MYOZ2: variants seen among roughly 807,000 people sequenced by gnomAD.
MYOZ2 encodes the protein myozenin-2.
A neutral mutation model predicts 25.4 loss-of-function variants in MYOZ2; 19 were observed. The observed-to-expected ratio is 0.75, with a 90% confidence interval of 0.52 to 1.10. The LOEUF is 1.10. Among genes scored for constraint, MYOZ2 ranks in the 50% least tolerant of loss-of-function variants. The pLI, the probability that MYOZ2 is intolerant of heterozygous loss-of-function variation, is 0.00. For missense variants in MYOZ2, 270 were observed against 317.9 expected (o/e 0.85, Z 1.15); for synonymous variants, 92 against 106.9 (o/e 0.86, Z 0.86).
At chr4:119,152,873 G>A (rs2149222002) in intron 3 of MYOZ2, among the ~76,000 whole-genome samples, 1 of 152,138 alleles carries the variant, frequency 6.6e-6, no homozygotes, top group East Asian at 1.9e-4. Context: ...AAGGAAGTAT[G>A]TTCATTTGAC....
At chr4:119,182,785 G>A (rs1742210389) in intron 5 of MYOZ2, among the ~76,000 whole-genome samples, 1 of 152,130 alleles carries the variant, frequency 6.6e-6, no homozygotes, top group South Asian at 2.1e-4. Flanking sequence ...GTTCCTAACA[G>A]GCCATAGATG....
At chr4:119,183,280 G>C (rs1742225066) in intron 5 of MYOZ2, among the ~76,000 whole-genome samples, 1 of 152,084 alleles carries the variant, frequency 6.6e-6, no homozygotes, top group African/African-American at 2.4e-5. Flanking sequence ...GAAAATAGAA[G>C]TCATGGAAAC....
chr4:119,147,125 G>A (rs1218740694), intron 2 of MYOZ2, among the ~76,000 whole-genome samples: 4 of 152,090 alleles, frequency 2.6e-5, no homozygotes, highest in Non-Finnish European at 4.4e-5. Flanking sequence ...AGGCAGCATC[G>A]TCCAACAAAC....
In MYOZ2 at chr4:119,158,854, T is replaced by C. The variant is rs78757526; in HGVS notation, c.376+703T>C. Reference sequence around the variant, plus strand: ...TTAAGACGTTGAGGTTATGAATGTCTATGAAGCAACAAAGAATGAATAAGA... The same window carrying C: ...TTAAGACGTTGAGGTTATGAATGTCCATGAAGCAACAAAGAATGAATAAGA... On this transcript the variant is annotated intron_variant, in intron 4 of 5. Coordinates refer to ENST00000307128, the MANE Select transcript of MYOZ2 (RefSeq NM_016599.5). Among the ~76,000 whole-genome samples the C allele has an allele frequency of 6.8e-3, 1,030 of 152,296 alleles. 71 individuals carry two copies. The East Asian group carries it at 0.15, about 22-fold the overall frequency.
chr4:119,164,812 A>T (rs959938314), intron 5 of MYOZ2, among the ~76,000 whole-genome samples: 4 of 152,092 alleles, frequency 2.6e-5, no homozygotes, highest in Admixed American at 6.5e-5. Context: ...TCTATCTTAC[A>T]TTTTTGCAGG....
At chr4:119,180,989 G>A (rs749591845) in intron 5 of MYOZ2, among the ~76,000 whole-genome samples, 5 of 152,154 alleles carry the variant, frequency 3.3e-5, no homozygotes, top group Non-Finnish European at 7.3e-5. Context: ...ACCAATATAA[G>A]TCCATGCATA....
At chr4:119,157,023 G>T (rs913348286) in intron 3 of MYOZ2, among the ~76,000 whole-genome samples, 2 of 152,020 alleles carry the variant, frequency 1.3e-5, no homozygotes, top group Non-Finnish European at 2.9e-5. Context: ...TCCTGAAATT[G>T]CTATAAAGTT....
chr4:119,166,544 A>G (rs985799794), intron 5 of MYOZ2, among the ~76,000 whole-genome samples: 1 of 152,164 alleles, frequency 6.6e-6, no homozygotes, highest in Non-Finnish European at 1.5e-5. Context: ...AGGGATACAC[A>G]AAGTTTAAGA....
At chr4:119,165,298 C>A (rs1741799265) in intron 5 of MYOZ2, among the ~76,000 whole-genome samples, 2 of 151,184 alleles carry the variant, frequency 1.3e-5, no homozygotes, top group African/African-American at 2.4e-5. Flanking sequence ...TCACTTGAAC[C>A]CAGGAGTTCA....
chr4:119,149,557 T>C (rs559217409), intron 2 of MYOZ2, among the ~76,000 whole-genome samples: 19 of 152,350 alleles, frequency 1.2e-4, no homozygotes, highest in Non-Finnish European at 2.2e-4. Flanking sequence ...GTTGCCATCA[T>C]CTTCAGCTTC....
chr4:119,145,338 GT>G (rs60344545), intron 2 of MYOZ2, among the ~76,000 whole-genome samples: 2,777 of 100,310 alleles, frequency 0.028, 43 homozygotes, highest in African/African-American at 0.11. Context: ...TGCGTGTGTG[GT>G]TTTTTTTTTT....
intron 5 of MYOZ2, among the ~76,000 whole-genome samples, chr4:119,167,297 A>G (rs1293921755): frequency 6.6e-6 from 1 of 152,232 alleles, no homozygotes; most frequent in Non-Finnish European, 1.5e-5. Context: ...ACCAGGAACA[A>G]CATTTCCATA....
rs757036270 is a variant in MYOZ2, at chr4:119,186,205, A to G, written c.*5A>G. 6.2e-7 allele frequency: 1 copy of G among 1,603,346 alleles called. No individual in the cohort carries two copies. Among genetic ancestry groups the G allele is most frequent in the Non-Finnish European group, 8.5e-7 (1 of 1,170,606 alleles). ...CCAGAATCAGAAGACCTATGAAAAGAAAGTTGTATGTGCCACATAAAACTC... is the reference window on the plus strand; with the variant it reads ...CCAGAATCAGAAGACCTATGAAAAGGAAGTTGTATGTGCCACATAAAACTC... On this transcript the variant is annotated 3_prime_UTR_variant, in exon 6 of 6. Coordinates refer to ENST00000307128, the MANE Select transcript of MYOZ2 (RefSeq NM_016599.5).
chr4:119,164,392 C>A lies in MYOZ2; in HGVS notation c.558C>A (p.Asn186Lys). The change falls in exon 5 of 6, where the codon AAC (asparagine) becomes AAA (lysine). Residue 186 changes from asparagine (N) to lysine (K), a missense_variant and splice_region_variant. Coordinates refer to ENST00000307128, the MANE Select transcript of MYOZ2 (RefSeq NM_016599.5). ...AACTGCCTGATTACAGGAGCTTTAA[C>A]AGGTAATTCAATGGTCCTGGGTGAC... is the stretch of plus-strand genomic sequence containing the variant. ...KAELPDYRSF[N>K]RVATPFGGFE... The A allele has an allele frequency of 6.2e-7, 1 of 1,613,982 alleles. No homozygotes were observed. Among genetic ancestry groups the A allele is most frequent in the Non-Finnish European group, 8.5e-7 (1 of 1,179,908 alleles).
rs544140893 is a variant in MYOZ2, at chr4:119,135,940, A to G, written c.-57A>G. 1 of 160,958 alleles carries G rather than the reference A, an allele frequency of 6.2e-6. No homozygotes were observed. The highest frequency in any genetic ancestry group is 6.0e-5 in the Admixed American group (1 of 16,702). The allele number at this position is 160,958 out of a possible 1,614,324, so 10.0% of individuals were successfully genotyped here. A position where few individuals can be genotyped will look rare whatever the true frequency, so the allele number is the denominator to read the frequency against. Reference sequence around the variant, plus strand: ...CCATCTCCAGAGTCTTCCTCCACAAACTGGGATTCATCCCCGCTGAAAAAG... The same window carrying G: ...CCATCTCCAGAGTCTTCCTCCACAAGCTGGGATTCATCCCCGCTGAAAAAG... On this transcript the variant is annotated 5_prime_UTR_variant, in exon 1 of 6. Coordinates refer to ENST00000307128, the MANE Select transcript of MYOZ2 (RefSeq NM_016599.5).
At chr4:119,176,735 A>G (rs1240243084) in intron 5 of MYOZ2, among the ~76,000 whole-genome samples, 1 of 152,248 alleles carries the variant, frequency 6.6e-6, no homozygotes, top group East Asian at 1.9e-4. Context: ...TTACATTATC[A>G]TTCAGGTACC....
At chr4:119,143,273 G>A (rs1741211910) in intron 2 of MYOZ2, among the ~76,000 whole-genome samples, 1 of 151,392 alleles carries the variant, frequency 6.6e-6, no homozygotes. Context: ...TCAGCTCACT[G>A]CAACCTCTGC....
chr4:119,156,306 G>A (rs772861094), intron 3 of MYOZ2, among the ~76,000 whole-genome samples: 26 of 151,358 alleles, frequency 1.7e-4, no homozygotes, highest in Non-Finnish European at 3.2e-4. Context: ...GGGGAATCTT[G>A]ATCTATGATC....
At chr4:119,170,006 G>C (rs1159978794) in intron 5 of MYOZ2, among the ~76,000 whole-genome samples, 2 of 152,002 alleles carry the variant, frequency 1.3e-5, no homozygotes, top group Admixed American at 1.3e-4. Flanking sequence ...CATGGTGGTG[G>C]TGATATACAC....
Sources: allele counts gnomAD v4.1 joint callset (sites outside exome capture counted in the v4.1 genomes callset), GRCh38; gene constraint gnomAD v4.1.1; transcripts MANE v1.5; gene names NCBI Gene and HGNC (gene_info 2026-07-23, HGNC 2026-07-21).